DTL: variants seen among roughly 807,000 people sequenced by gnomAD.
DTL encodes the protein denticleless protein homolog.
In DTL, 46 loss-of-function variants were observed where a neutral mutation model predicts 87.0. That is an observed-to-expected ratio of 0.53 (90% CI 0.42 to 0.68). DTL has a LOEUF of 0.68. Ranked by LOEUF, DTL falls within the 30% of genes least tolerant of loss-of-function variation. The probability of loss-of-function intolerance (pLI) is 0.00; values close to 1 mark genes in which losing one functional copy is unlikely to be tolerated. For synonymous variants in DTL, 308 were observed against 311.2 expected (o/e 0.99, Z 0.11); for missense variants, 737 against 869.4 (o/e 0.85, Z 1.91).
intron 13 of DTL, among the ~76,000 whole-genome samples, chr1:212,093,144 C>T (rs573844603): frequency 2.0e-5 from 3 of 152,222 alleles, no homozygotes; most frequent in African/African-American, 4.8e-5. Flanking sequence ...CCTTGTCCCC[C>T]TTGCAGGGCG....
chr1:212,066,913 A>C, intron 8 of DTL, 28 bp downstream of exon 8: 1 of 1,577,328 alleles, frequency 6.3e-7, no homozygotes, highest in Non-Finnish European at 8.7e-7. Flanking sequence ...TTTTCTTCCG[A>C]CGAGATCTTT....
chr1:212,101,715 G>C (rs1047013520), intron 14 of DTL, among the ~76,000 whole-genome samples: 1 of 152,108 alleles, frequency 6.6e-6, no homozygotes, highest in Non-Finnish European at 1.5e-5. Flanking sequence ...TTAACATTCA[G>C]TGTAGTGTCA....
chr1:212,054,792 CA>C (rs756328781), intron 5 of DTL, among the ~76,000 whole-genome samples: 3,749 of 68,376 alleles, frequency 0.055, 27 homozygotes, highest in African/African-American at 0.07. Context: ...GACACCACCT[CA>C]AAAAAAAAAA....
At chr1:212,091,262 A>C (rs1655271966) in intron 13 of DTL, among the ~76,000 whole-genome samples, 1 of 152,206 alleles carries the variant, frequency 6.6e-6, no homozygotes, top group South Asian at 2.1e-4. Flanking sequence ...ATATCCCCTC[A>C]CACCTGTTAG....
In DTL at chr1:212,054,025, T is replaced by C. The variant is rs1415457972; in HGVS notation, c.460+6608T>C. ...TTCTGTTATATTGCTTAGAAAAGAGTTGGTGTTCCTTTTTTAACAGGCAAT... is the reference window on the plus strand; with the variant it reads ...TTCTGTTATATTGCTTAGAAAAGAGCTGGTGTTCCTTTTTTAACAGGCAAT... On this transcript the variant is annotated intron_variant, in intron 5 of 14. Transcript: ENST00000366991. 4.6e-5 allele frequency among the ~76,000 whole-genome samples: 7 copies of C among 152,046 alleles called. 1 individual carries two copies. The highest frequency in any genetic ancestry group is 4.6e-4 in the Admixed American group (7 of 15,264).
chr1:212,065,046 G>T lies in DTL; in HGVS notation c.639+17G>T. 6.5e-7 allele frequency: 1 copy of T among 1,538,218 alleles called. No homozygotes were observed. The highest frequency in any genetic ancestry group is 1.1e-5 in the South Asian group (1 of 89,540). On this transcript the variant is annotated intron_variant, in intron 7 of 14. Transcript: ENST00000366991. ...CCTTCTGTGGTAAGGTTTTACAGAT[G>T]TATACATGTGTGCAGATCTTATCTG...
At chr1:212,102,611 T>C (rs187281765) in intron 14 of DTL, among the ~76,000 whole-genome samples, 249 of 152,206 alleles carry the variant, frequency 1.6e-3, no homozygotes, top group Non-Finnish European at 2.1e-3. Context: ...AGTAAATGTT[T>C]TCTATTCACA....
intron 11 of DTL, 80 bp downstream of exon 11, chr1:212,072,293 TTAATG>T: frequency 4.5e-6 from 5 of 1,100,354 alleles, no homozygotes; most frequent in Non-Finnish European, 5.5e-6. Context: ...TGAGATAAGT[TTAATG>T]TAACCACGTG....
Position 212,068,635 on chromosome 1 carries a change from C to T in DTL, c.854C>T (p.Thr285Ile), listed in dbSNP as rs757624199. Reference sequence around the variant, plus strand: ...CTGATTTTGGATTCCACTGGCTCTACTTTATTTGCTAATTGCACAGACGAT... The same window carrying T: ...CTGATTTTGGATTCCACTGGCTCTATTTTATTTGCTAATTGCACAGACGAT... ...SSLILDSTGS[T>I]LFANCTDDNI... Residue 285 changes from threonine to isoleucine, a missense_variant, in exon 10 of 15, where the codon ACT becomes ATT. Physicochemically the swap from Thr to Ile is moderately conservative, Grantham distance 89. Coordinates refer to ENST00000366991, the MANE Select transcript of DTL (RefSeq NM_016448.4). 4 of 1,613,158 alleles carry T rather than the reference C, an allele frequency of 2.5e-6. No individual in the cohort carries two copies. The highest frequency in any genetic ancestry group is 3.4e-6 in the Non-Finnish European group (4 of 1,179,548).
intron 5 of DTL, among the ~76,000 whole-genome samples, chr1:212,059,381 A>G (rs1048450698): frequency 2.0e-5 from 3 of 152,004 alleles, no homozygotes; most frequent in Non-Finnish European, 4.4e-5. Flanking sequence ...AAATCAATAA[A>G]CATGATACAT....
chr1:212,096,048 C>T (rs1243775555), intron 13 of DTL, among the ~76,000 whole-genome samples: 1 of 151,986 alleles, frequency 6.6e-6, no homozygotes, highest in Non-Finnish European at 1.5e-5. Flanking sequence ...AATCTAAGTG[C>T]TTGTTATTGG....
intron 13 of DTL, among the ~76,000 whole-genome samples, chr1:212,088,815 G>A (rs112163246): frequency 0.026 from 4,001 of 152,326 alleles, 59 homozygotes; most frequent in African/African-American, 0.047. Flanking sequence ...GGCTGGGCAC[G>A]GTGGCTCACG....
rs1571991673 is a variant in DTL at position 212,104,769 on chromosome 1, T to C, written c.*1829T>C. On this transcript the variant is annotated 3_prime_UTR_variant, in exon 15 of 15. Coordinates refer to ENST00000366991, the MANE Select transcript of DTL (RefSeq NM_016448.4). ...TTTTAAATGGGTGCCAAAGGTCAAC[T>C]GTAATGAGATAATTATCCCTGCCTG... 1 of 152,154 alleles carries C rather than the reference T, an allele frequency of 6.6e-6. No homozygotes were observed. Among genetic ancestry groups the C allele is most frequent in the African/African-American group, 2.4e-5 (1 of 41,420 alleles). 9.4% of individuals were successfully genotyped at this position (152,154 alleles called of 1,614,324 possible). A position where few individuals can be genotyped will look rare whatever the true frequency, so the allele number is the denominator to read the frequency against.
intron 5 of DTL, among the ~76,000 whole-genome samples, chr1:212,056,072 A>C (rs982602221): frequency 2.6e-5 from 4 of 152,246 alleles, no homozygotes; most frequent in Admixed American, 6.5e-5. Context: ...TTTTTTCATC[A>C]CTGCTACTGT....
chr1:212,083,230 CA>C (rs1463383531), intron 13 of DTL, among the ~76,000 whole-genome samples: 1 of 152,128 alleles, frequency 6.6e-6, no homozygotes, highest in Non-Finnish European at 1.5e-5. Context: ...AGAGATTGGG[CA>C]GAGAAACTCC....
chr1:212,054,879 C>T (rs1042939786), intron 5 of DTL, among the ~76,000 whole-genome samples: 2 of 150,216 alleles, frequency 1.3e-5, no homozygotes, highest in South Asian at 2.1e-4. Flanking sequence ...CTATTTTAGG[C>T]GGAGTAAATT....
intron 5 of DTL, among the ~76,000 whole-genome samples, chr1:212,060,912 C>A (rs887613592): frequency 1.3e-5 from 2 of 151,976 alleles, no homozygotes; most frequent in African/African-American, 2.4e-5. Flanking sequence ...ATAAACTAGA[C>A]TATACTAAAC....
intron 8 of DTL, among the ~76,000 whole-genome samples, chr1:212,067,829 T>C (rs143258992): frequency 6.6e-6 from 1 of 152,344 alleles, no homozygotes; most frequent in African/African-American, 2.4e-5. Context: ...TAAAGAGTTA[T>C]GTATGGAGAT....
At chr1:212,069,812 G>A (rs1654618458) in intron 10 of DTL, among the ~76,000 whole-genome samples, 2 of 152,084 alleles carry the variant, frequency 1.3e-5, no homozygotes, top group Non-Finnish European at 2.9e-5. Flanking sequence ...CCAAAGTGCT[G>A]GGATTACAGG....
Sources: gnomAD v4.1 joint callset for allele counts (sites outside exome capture counted in the v4.1 genomes callset) on GRCh38, gnomAD v4.1.1 for gene constraint, MANE v1.5 for transcripts, NCBI Gene and HGNC (gene_info 2026-07-23, HGNC 2026-07-21) for gene names.